Variants in HDAC9 observed in about 807,000 individuals in gnomAD.
The protein encoded by HDAC9 is MEF-2 interacting transcription repressor (MITR) protein.
HDAC9 carries 41 observed loss-of-function variants against 139.4 expected under a neutral mutation model. That is an observed-to-expected ratio of 0.29 (90% CI 0.23 to 0.38). The LOEUF (loss-of-function observed/expected upper bound fraction) is 0.38. HDAC9 is among the 10% of genes least tolerant of loss of function. The pLI, the probability that HDAC9 is intolerant of heterozygous loss-of-function variation, is 1.00. For missense variants in HDAC9, 1,147 were observed against 1,297.0 expected, an observed-to-expected ratio of 0.88 and a Z score of 1.78; for synonymous variants, 517 against 476.2, an observed-to-expected ratio of 1.09 and a Z score of -1.12.
At chr7:18,181,751 G>C (rs1448699863) in intron 2 of HDAC9, among the ~76,000 whole-genome samples, 1 of 151,760 alleles carries the variant, frequency 6.6e-6, no homozygotes, top group Non-Finnish European at 1.5e-5. Flanking sequence ...TGGAGCCCAG[G>C]GGTCCTTTAA....
intron 21 of HDAC9, among the ~76,000 whole-genome samples, chr7:18,846,924 T>C (rs1339708080): frequency 6.6e-6 from 1 of 152,158 alleles, no homozygotes; most frequent in Non-Finnish European, 1.5e-5. Context: ...CTTGGCTTTC[T>C]TGTTTGAGCT....
At chr7:18,228,932 G>A (rs77934965) in intron 2 of HDAC9, among the ~76,000 whole-genome samples, 2,497 of 152,248 alleles carry the variant, frequency 0.016, 69 homozygotes, top group African/African-American at 0.056. Flanking sequence ...GTGTGCTGAG[G>A]TCAAAATCCA....
intron 6 of HDAC9, among the ~76,000 whole-genome samples, chr7:18,625,248 C>G (rs996078094): frequency 1.7e-4 from 26 of 152,140 alleles, no homozygotes; most frequent in African/African-American, 6.0e-4. Flanking sequence ...AGAGTACTCT[C>G]AATTTCTAAT....
chr7:18,669,490 A>G (rs1795533845), intron 12 of HDAC9, among the ~76,000 whole-genome samples: 1 of 151,882 alleles, frequency 6.6e-6, no homozygotes, highest in African/African-American at 2.4e-5. Context: ...GCATTAGAGT[A>G]TCAAGAAATC....
intron 17 of HDAC9, among the ~76,000 whole-genome samples, chr7:18,820,408 C>G (rs2129198336): frequency 6.6e-6 from 1 of 152,226 alleles, no homozygotes; most frequent in South Asian, 2.1e-4. Flanking sequence ...AAAGCAGATA[C>G]TGTAAGAATA....
chr7:18,118,877 A>G (rs79986621), intron 1 of HDAC9, among the ~76,000 whole-genome samples: 24 of 152,332 alleles, frequency 1.6e-4, no homozygotes, highest in Non-Finnish European at 2.8e-4. Context: ...AAAGGGTAGT[A>G]TGGGAAATCG....
In HDAC9 at chr7:18,918,165, A is replaced by C. The variant is rs868745699; in HGVS notation, c.2804-17644A>C. On this transcript the variant is annotated intron_variant, in intron 22 of 25. Coordinates refer to ENST00000686413, the MANE Select transcript of HDAC9 (RefSeq NM_178425.4). ...AGGGCTAGAAAAGGCGAACAGGAAG[A>C]AAAGGAGATTTCAGTCTTTGGTTCA... Among the ~76,000 whole-genome samples, 4 of 152,062 alleles carry C rather than the reference A, an allele frequency of 2.6e-5. No homozygotes were observed. The South Asian group carries it at 8.3e-4, about 32-fold the overall frequency.
chr7:18,386,231 T>C (rs1785920211), intron 1 of HDAC9, among the ~76,000 whole-genome samples: 1 of 152,176 alleles, frequency 6.6e-6, no homozygotes, highest in Non-Finnish European at 1.5e-5. Context: ...TTTCATAAGT[T>C]AACTTTCTGG....
At position 18,770,706 on chromosome 7, in the gene HDAC9, C is replaced by T. The variant is rs530717958; in HGVS notation, c.2214+3551C>T. ...TTAGAGAAATTGATAACAGACTCTGCGCTTCTTTTATGGCTCAGAGGAGGC... is the reference window on the plus strand; with the variant it reads ...TTAGAGAAATTGATAACAGACTCTGTGCTTCTTTTATGGCTCAGAGGAGGC... On this transcript the variant is annotated intron_variant, in intron 16 of 25. Transcript: ENST00000686413. Among the ~76,000 whole-genome samples the T allele has an allele frequency of 4.6e-5, 7 of 152,256 alleles. No homozygotes were observed. In the East Asian group the frequency reaches 5.8e-4, roughly 13 times the overall value.
chr7:18,761,718 G>C (rs181109278), intron 14 of HDAC9, among the ~76,000 whole-genome samples: 1 of 152,258 alleles, frequency 6.6e-6, no homozygotes, highest in Non-Finnish European at 1.5e-5. Context: ...TGATCATCAA[G>C]TTCATTAAAA....
intron 5 of HDAC9, among the ~76,000 whole-genome samples, chr7:18,593,193 G>A (rs1023600749): frequency 6.6e-6 from 1 of 152,048 alleles, no homozygotes; most frequent in Non-Finnish European, 1.5e-5. Flanking sequence ...AACAATCATT[G>A]TGATGGTGAT....
At chr7:18,931,864 A>C (rs1473530331) in intron 22 of HDAC9, among the ~76,000 whole-genome samples, 1 of 152,158 alleles carries the variant, frequency 6.6e-6, no homozygotes, top group Admixed American at 6.5e-5. Context: ...ATGAATAGGT[A>C]AATCACAGGA....
upstream of HDAC9, among the ~76,000 whole-genome samples, chr7:18,287,286 A>T (rs1029480254): frequency 1.3e-5 from 2 of 151,706 alleles, no homozygotes; most frequent in Non-Finnish European, 3.0e-5. Context: ...AAATGAAAAA[A>T]TAATATATTC....
chr7:18,736,047 G>A (rs971062147), intron 13 of HDAC9, among the ~76,000 whole-genome samples: 4 of 152,104 alleles, frequency 2.6e-5, no homozygotes, highest in African/African-American at 9.7e-5. Flanking sequence ...TCTGTTATTG[G>A]TATACAGGAA....
At chr7:18,806,531 C>T (rs1033746317) in intron 17 of HDAC9, among the ~76,000 whole-genome samples, 1 of 152,148 alleles carries the variant, frequency 6.6e-6, no homozygotes, top group Non-Finnish European at 1.5e-5. Context: ...TTTTTCTAAC[C>T]CTTTCTGTCA....
chr7:18,212,150 T>C (rs1230453812), intron 2 of HDAC9, among the ~76,000 whole-genome samples: 1 of 152,126 alleles, frequency 6.6e-6, no homozygotes, highest in African/African-American at 2.4e-5. Context: ...ATTTGATGAT[T>C]AGGATGATGA....
chr7:18,421,159 G>C (rs1789580177), intron 1 of HDAC9, among the ~76,000 whole-genome samples: 1 of 152,034 alleles, frequency 6.6e-6, no homozygotes, highest in South Asian at 2.1e-4. Context: ...TAGAAATATT[G>C]TTATTTTAGA....
intron 17 of HDAC9, among the ~76,000 whole-genome samples, chr7:18,817,283 C>T (rs1450446212): frequency 1.3e-5 from 2 of 152,112 alleles, no homozygotes; most frequent in Non-Finnish European, 2.9e-5. Flanking sequence ...ATCCGCCCAC[C>T]TCGGCCTCCC....
rs557188325 is a variant in HDAC9, at chr7:18,454,709, C to A, written c.-41-41553C>A. Among the ~76,000 whole-genome samples the A allele has an allele frequency of 2.6e-5, 4 of 152,094 alleles. No individual in the cohort carries two copies. The East Asian group carries it at 7.7e-4, about 29-fold the overall frequency. ...ATTCCCTAAAGAAAATTATCTTATA[C>A]CTTGTTATGCACCTGCTATTTTCAG... On this transcript the variant is annotated intron_variant, in intron 1 of 3. Transcript: ENST00000413509.
Sources: gnomAD v4.1 joint callset for allele counts (sites outside exome capture counted in the v4.1 genomes callset) on GRCh38, gnomAD v4.1.1 for gene constraint, MANE v1.5 for transcripts, NCBI Gene and HGNC (gene_info 2026-07-23, HGNC 2026-07-21) for gene names.